EYA4: variants seen among roughly 807,000 people sequenced by gnomAD.
EYA4 encodes the protein EYA transcriptional coactivator and phosphatase 4.
In EYA4, 31 loss-of-function variants were observed where a neutral mutation model predicts 87.9. The observed-to-expected ratio is 0.35, with a 90% CI of 0.27 to 0.48. The LOEUF is 0.48. Ranked by LOEUF, EYA4 falls within the 20% of genes least tolerant of loss-of-function variation. The pLI is 0.99. For synonymous variants in EYA4, 263 were observed against 270.6 expected, an observed-to-expected ratio of 0.97 and a Z score of 0.28; for missense variants, 678 against 761.4, an observed-to-expected ratio of 0.89 and a Z score of 1.29.
intron 3 of EYA4, among the ~76,000 whole-genome samples, chr6:133,434,068 G>T (rs982583314): frequency 1.3e-5 from 2 of 152,214 alleles, no homozygotes; most frequent in Non-Finnish European, 2.9e-5. Flanking sequence ...CACTGTTAAA[G>T]AAGAATCCTG....
intron 5 of EYA4, among the ~76,000 whole-genome samples, chr6:133,454,842 G>A (rs1229501790): frequency 6.6e-6 from 1 of 151,672 alleles, no homozygotes; most frequent in African/African-American, 2.4e-5. Flanking sequence ...ATCATGCTTT[G>A]GGCCTTTGAG....
At chr6:133,475,645 T>G (rs766383261) in intron 11 of EYA4, among the ~76,000 whole-genome samples, 1 of 152,126 alleles carries the variant, frequency 6.6e-6, no homozygotes, top group East Asian at 1.9e-4. Flanking sequence ...AAGGACCACA[T>G]TCAACTGCTC....
At chr6:133,246,837 G>C (rs1357793708) in intron 1 of EYA4, 1 of 152,014 alleles carries the variant, frequency 6.6e-6, no homozygotes, top group Non-Finnish European at 1.5e-5. Context: ...CCGTAAATTA[G>C]GTACTTTTGT....
chr6:133,374,773 C>T (rs1785544478), intron 2 of EYA4, among the ~76,000 whole-genome samples: 1 of 151,902 alleles, frequency 6.6e-6, no homozygotes, highest in South Asian at 2.1e-4. Flanking sequence ...AATAAATAGA[C>T]TTCCCTAACT....
intron 17 of EYA4, among the ~76,000 whole-genome samples, chr6:133,522,167 TAG>T (rs1800232721): frequency 1.7e-5 from 2 of 121,154 alleles, no homozygotes; most frequent in Admixed American, 1.6e-4. Flanking sequence ...CATGGTAGAG[TAG>T]TTTTTTTTTT....
intron 1 of EYA4, among the ~76,000 whole-genome samples, chr6:133,260,435 G>A (rs528915488): frequency 2.6e-5 from 4 of 152,050 alleles, no homozygotes; most frequent in East Asian, 1.9e-4. Flanking sequence ...AAGGGGTTTC[G>A]CCATGTTAGC....
At chr6:133,513,903 C>T (rs974577351) in intron 16 of EYA4, among the ~76,000 whole-genome samples, 1 of 151,976 alleles carries the variant, frequency 6.6e-6, no homozygotes, top group Non-Finnish European at 1.5e-5. Flanking sequence ...ACTATACATA[C>T]ATATATTCAC....
rs143654353 is a variant in EYA4, at chr6:133,509,447, T to C, written c.1281+3252T>C. On this transcript the variant is annotated intron_variant, in intron 14 of 19. Transcript: ENST00000355286. ...CCATCTAATTTGACACTCCATTCTT[T>C]CAGTAGATACTGCAACATATATAGT... Among the ~76,000 whole-genome samples, 195 of 152,178 alleles carry C rather than the reference T, an allele frequency of 1.3e-3. 2 individuals carry two copies. The highest frequency in any genetic ancestry group is 4.3e-3 in the African/African-American group (177 of 41,524).
At chr6:133,339,830 G>A (rs1782650969) in intron 2 of EYA4, among the ~76,000 whole-genome samples, 1 of 152,192 alleles carries the variant, frequency 6.6e-6, no homozygotes, top group African/African-American at 2.4e-5. Context: ...TAGCCAAAGT[G>A]GATAAAAACT....
intron 3 of EYA4, among the ~76,000 whole-genome samples, chr6:133,391,224 T>TTTTGTTTTTG (rs1232998940): frequency 1.2e-5 from 1 of 80,398 alleles, no homozygotes; most frequent in Non-Finnish European, 3.4e-5. Flanking sequence ...TTGTTTTTGT[T>TTTTGTTTTTG]TTTTTTTTTT....
chr6:133,248,260 T>C (rs1316818747), intron 1 of EYA4: 2 of 152,214 alleles, frequency 1.3e-5, no homozygotes, highest in African/African-American at 4.8e-5. Context: ...ACTATTTCTG[T>C]TATCCTTTCC....
chr6:133,269,876 C>T (rs1776544363), intron 1 of EYA4, among the ~76,000 whole-genome samples: 1 of 152,068 alleles, frequency 6.6e-6, no homozygotes, highest in African/African-American at 2.4e-5. Context: ...CAGGGTCCTC[C>T]AATAGGCTGT....
intron 2 of EYA4, among the ~76,000 whole-genome samples, chr6:133,334,416 C>G (rs1016409960): frequency 6.6e-6 from 1 of 152,136 alleles, no homozygotes; most frequent in African/African-American, 2.4e-5. Context: ...GTGATTTGTT[C>G]ATTTGCAGGT....
intron 2 of EYA4, among the ~76,000 whole-genome samples, chr6:133,294,195 C>G (rs1380660236): frequency 6.7e-6 from 1 of 150,292 alleles, no homozygotes; most frequent in Non-Finnish European, 1.5e-5. Flanking sequence ...CCCTGGCAAA[C>G]TATTCACAGG....
intron 3 of EYA4, among the ~76,000 whole-genome samples, chr6:133,388,335 G>T (rs1289341923): frequency 2.6e-5 from 4 of 151,640 alleles, no homozygotes; most frequent in African/African-American, 4.8e-5. Flanking sequence ...TGAACCTGGG[G>T]GGCGGAGGTT....
At chr6:133,386,711 A>G (rs903832976) in intron 3 of EYA4, among the ~76,000 whole-genome samples, 1 of 152,206 alleles carries the variant, frequency 6.6e-6, no homozygotes, top group African/African-American at 2.4e-5. Flanking sequence ...GTGACTTATC[A>G]GGAGTTAAGC....
At chr6:133,300,619 A>G (rs929074047) in intron 2 of EYA4, among the ~76,000 whole-genome samples, 11 of 151,396 alleles carry the variant, frequency 7.3e-5, no homozygotes, top group Non-Finnish European at 5.9e-5. Context: ...GGTTCAAGCA[A>G]CTCCCCTGCC....
At chr6:133,502,932 A>G (rs1308630589) in intron 13 of EYA4, among the ~76,000 whole-genome samples, 1 of 152,192 alleles carries the variant, frequency 6.6e-6, no homozygotes, top group Non-Finnish European at 1.5e-5. Flanking sequence ...AAACTTTCCC[A>G]GTTACAAATG....
chr6:133,420,920 A>G (rs1010234418), intron 3 of EYA4, among the ~76,000 whole-genome samples: 1 of 152,244 alleles, frequency 6.6e-6, no homozygotes, highest in Non-Finnish European at 1.5e-5. Context: ...TGCACACTGT[A>G]TACAGAATAG....
Sources: gnomAD v4.1 joint callset for allele counts (sites outside exome capture counted in the v4.1 genomes callset) on GRCh38, gnomAD v4.1.1 for gene constraint, MANE v1.5 for transcripts, NCBI Gene and HGNC (gene_info 2026-07-23, HGNC 2026-07-21) for gene names.